Variants in SNX10 observed in about 807,000 individuals in gnomAD.
SNX10 encodes the protein sorting nexin 10, also known as sorting nexin-10.
A neutral mutation model predicts 28.5 loss-of-function variants in SNX10; 25 were observed. The ratio of observed to expected loss-of-function variants is 0.88; its 90% CI spans 0.64 to 1.22. The LOEUF is 1.22. Among genes scored for constraint, SNX10 ranks in the 50% most tolerant of loss-of-function variants. The probability of loss-of-function intolerance (pLI) is 0.00; values close to 1 mark genes in which losing one functional copy is unlikely to be tolerated. For missense variants in SNX10, 223 were observed against 242.6 expected (o/e 0.92, Z 0.54); for synonymous variants, 62 against 81.4 (o/e 0.76, Z 1.28).
chr7:26,354,786 C>T (rs1181272494), intron 2 of SNX10, among the ~76,000 whole-genome samples: 2 of 152,246 alleles, frequency 1.3e-5, no homozygotes, highest in African/African-American at 4.8e-5. Flanking sequence ...TAACCTTATT[C>T]ACGGCATCTT....
At chr7:26,325,820 T>C (rs929922185) in intron 1 of SNX10, among the ~76,000 whole-genome samples, 1 of 151,180 alleles carries the variant, frequency 6.6e-6, no homozygotes, top group African/African-American at 2.4e-5. Context: ...CTCTACCTCC[T>C]GGGTTCCAGC....
At chr7:26,336,856 C>A (rs1475079216) in intron 1 of SNX10, among the ~76,000 whole-genome samples, 4 of 152,056 alleles carry the variant, frequency 2.6e-5, no homozygotes, top group Non-Finnish European at 4.4e-5. Context: ...GTTTAGGTTT[C>A]CATTTTCTTT....
Position 26,371,818 on chromosome 7 carries a change from T to C in SNX10, c.312-3T>C. ...ATTATTTTTCCTTTTTTTTTTAATA[T>C]AGAGTCCTACAGAATGCACTTTTGC... On this transcript the variant is annotated splice_region_variant and splice_polypyrimidine_tract_variant and intron_variant, in intron 5 of 6. Coordinates refer to ENST00000338523, the MANE Select transcript of SNX10 (RefSeq NM_013322.3). 2 of 1,596,018 alleles carry C rather than the reference T, an allele frequency of 1.3e-6. No individual in the cohort carries two copies. The highest frequency in any genetic ancestry group is 1.7e-6 in the Non-Finnish European group (2 of 1,166,958).
At chr7:26,348,814 C>G (rs928218508) in intron 2 of SNX10, among the ~76,000 whole-genome samples, 5 of 152,224 alleles carry the variant, frequency 3.3e-5, no homozygotes, top group African/African-American at 4.8e-5. Flanking sequence ...CTTGAATGCT[C>G]CATGCACTCT....
chr7:26,357,180 C>A, intron 2 of SNX10: 1 of 264,672 alleles, frequency 3.8e-6, no homozygotes, highest in Non-Finnish European at 7.1e-6. Context: ...ATGCCCAAGG[C>A]AATCCCAGAG....
intron 6 of SNX10, 85 bp downstream of exon 6, chr7:26,372,118 C>A: frequency 2.3e-6 from 2 of 873,998 alleles, no homozygotes; most frequent in Non-Finnish European, 1.7e-6. Context: ...TATATATACA[C>A]ACTTCACTTT....
At chr7:26,371,772 C>T in intron 5 of SNX10, 49 bp from the exon 6 acceptor site, 1 of 1,321,332 alleles carries the variant, frequency 7.6e-7, no homozygotes, top group Non-Finnish European at 1.1e-6. Flanking sequence ...TCTACCCTAT[C>T]ACTGACCATC....
Position 26,291,922 on chromosome 7 carries a change from T to TGCACGGGGAGCGCGGGGA in SNX10, c.-186_-185insACGGGGAGCGCGGGGAGC, listed in dbSNP as rs1785931660. 6.7e-6 allele frequency: 1 copy of TGCACGGGGAGCGCGGGGA among 149,290 alleles called. No homozygotes were observed. The highest frequency in any genetic ancestry group is 6.7e-5 in the Admixed American group (1 of 14,936). 9.2% of individuals were successfully genotyped at this position (149,290 alleles called of 1,614,324 possible). On this transcript the variant is annotated 5_prime_UTR_variant, in exon 1 of 7. Coordinates refer to ENST00000338523, the MANE Select transcript of SNX10 (RefSeq NM_013322.3). ...TGAGCGCGGGCGCGGGGCCGCTACG[T>TGCACGGGGAGCGCGGGGA]GCGCGGGGAGCGCGGGGAGCGCGGG...
rs982361856 is a variant in SNX10 at position 26,351,646 on chromosome 7, G to GTT, written c.24+5191_24+5192dup. Among the ~76,000 whole-genome samples the GTT allele has an allele frequency of 2.1e-3, 232 of 112,582 alleles. 13 individuals are homozygous for GTT. Among genetic ancestry groups the GTT allele is most frequent in the East Asian group, 8.2e-3 (27 of 3,276 alleles). 73.9% of individuals were successfully genotyped at this position (112,582 alleles called of 152,430 possible). A position where few individuals can be genotyped will look rare whatever the true frequency, so the allele number is the denominator to read the frequency against. On this transcript the variant is annotated intron_variant, in intron 2 of 6. Coordinates refer to ENST00000338523, the MANE Select transcript of SNX10 (RefSeq NM_013322.3). ...AAAACTAAAGCAATCAAGCAGTCTG[G>GTT]TTTTTTTTTTTTGTTTTTTTTTTTT...
chr7:26,350,446 C>T (rs1788552180), intron 2 of SNX10, among the ~76,000 whole-genome samples: 1 of 152,122 alleles, frequency 6.6e-6, no homozygotes, highest in African/African-American at 2.4e-5. Context: ...CTTATGCTGA[C>T]CCATGGTAAT....
intron 1 of SNX10, among the ~76,000 whole-genome samples, chr7:26,314,757 T>G (rs1415814602): frequency 6.6e-6 from 1 of 152,088 alleles, no homozygotes; most frequent in African/African-American, 2.4e-5. Flanking sequence ...CCCAGCACTT[T>G]GGGAGGCTGA....
intron 3 of SNX10, among the ~76,000 whole-genome samples, chr7:26,361,832 T>G (rs1789084384): frequency 6.6e-6 from 1 of 152,218 alleles, no homozygotes; most frequent in African/African-American, 2.4e-5. Context: ...CAGACCAGAT[T>G]TGGCCCTCAG....
At chr7:26,321,092 C>T (rs1387888235) in intron 1 of SNX10, among the ~76,000 whole-genome samples, 1 of 152,166 alleles carries the variant, frequency 6.6e-6, no homozygotes, top group African/African-American at 2.4e-5. Context: ...CTGGACTTGT[C>T]AGTAGCCCTG....
At chr7:26,307,181 A>AT (rs890157872) in intron 1 of SNX10, among the ~76,000 whole-genome samples, 9 of 152,148 alleles carry the variant, frequency 5.9e-5, no homozygotes, top group Non-Finnish European at 1.2e-4. Flanking sequence ...TAAATGTTGA[A>AT]TTTTTTTCTC....
intron 1 of SNX10, among the ~76,000 whole-genome samples, chr7:26,298,903 A>G (rs1055394381): frequency 6.6e-6 from 1 of 152,232 alleles, no homozygotes; most frequent in Non-Finnish European, 1.5e-5. Context: ...CACCAGTCCC[A>G]TCACGAGGGC....
At chr7:26,305,919 ATC>A (rs1302776284) in intron 1 of SNX10, among the ~76,000 whole-genome samples, 1 of 151,932 alleles carries the variant, frequency 6.6e-6, no homozygotes, top group Non-Finnish European at 1.5e-5. Flanking sequence ...TTTAGACAGA[ATC>A]TCTCTCTCTG....
chr7:26,349,162 C>T (rs1395728817), intron 2 of SNX10, among the ~76,000 whole-genome samples: 1 of 152,082 alleles, frequency 6.6e-6, no homozygotes, highest in African/African-American at 2.4e-5. Context: ...GGAATCTAGA[C>T]CAAGGGTACA....
At chr7:26,350,561 C>G (rs3801883) in intron 2 of SNX10, among the ~76,000 whole-genome samples, 15,552 of 152,134 alleles carry the variant, frequency 0.1, 931 homozygotes, top group South Asian at 0.15. Flanking sequence ...ATAATATTAG[C>G]TAGGATCCTG....
At chr7:26,340,465 T>A (rs1157944745) in intron 1 of SNX10, among the ~76,000 whole-genome samples, 1 of 152,256 alleles carries the variant, frequency 6.6e-6, no homozygotes, top group African/African-American at 2.4e-5. Flanking sequence ...AGTGGTACTT[T>A]ATAGAATTTT....
Sources: allele counts gnomAD v4.1 joint callset (sites outside exome capture counted in the v4.1 genomes callset), GRCh38; gene constraint gnomAD v4.1.1; transcripts MANE v1.5; gene names NCBI Gene and HGNC (gene_info 2026-07-23, HGNC 2026-07-21).